The following NR6A1 variants were observed in gnomAD, a reference collection of about 807,000 sequenced individuals.
NR6A1 encodes the protein retinoic acid receptor-related testis-associated receptor.
In NR6A1, 7 loss-of-function variants were observed where a neutral mutation model predicts 59.1. The observed-to-expected ratio is 0.12, with a 90% CI of 0.07 to 0.22. The LOEUF is 0.22. Among genes scored for constraint, NR6A1 ranks in the 10% least tolerant of loss-of-function variants. The pLI is 1.00. For missense variants in NR6A1, 468 were observed against 611.6 expected (o/e 0.77, Z 2.48); for synonymous variants, 243 against 236.1 (o/e 1.03, Z -0.27).
intron 3 of NR6A1, among the ~76,000 whole-genome samples, chr9:124,549,727 A>T (rs2131375345): frequency 6.6e-6 from 1 of 152,330 alleles, no homozygotes; most frequent in East Asian, 1.9e-4. Context: ...ACTTTATACA[A>T]GAGTTGCAAA....
intron 1 of NR6A1, 142 bp from the exon 2 acceptor site, chr9:124,733,491 A>G: frequency 1.5e-6 from 1 of 663,926 alleles, no homozygotes; most frequent in Non-Finnish European, 2.7e-6. Flanking sequence ...ACATTTAGCT[A>G]CTACATATCC....
chr9:124,551,803 G>A (rs976172230), intron 3 of NR6A1, among the ~76,000 whole-genome samples: 1 of 152,020 alleles, frequency 6.6e-6, no homozygotes, highest in African/African-American at 2.4e-5. Context: ...TATGGGTTTT[G>A]ACAAATGCAC....
intron 2 of NR6A1, among the ~76,000 whole-genome samples, chr9:124,719,925 T>C (rs1839519091): frequency 6.6e-6 from 1 of 151,780 alleles, no homozygotes; most frequent in Non-Finnish European, 1.5e-5. Flanking sequence ...CCCCAATCCA[T>C]ATAAAGAAGG....
intron 2 of NR6A1, among the ~76,000 whole-genome samples, chr9:124,681,840 T>C (rs1838171492): frequency 6.6e-6 from 1 of 152,170 alleles, no homozygotes; most frequent in Non-Finnish European, 1.5e-5. Flanking sequence ...AAATGACCAA[T>C]GTATGATGTC....
At chr9:124,563,092 A>C in intron 2 of NR6A1, among the ~76,000 whole-genome samples, 1 of 152,264 alleles carries the variant, frequency 6.6e-6, no homozygotes, top group Non-Finnish European at 1.5e-5. Context: ...AATCTGGCAC[A>C]ATGAATGCTA....
At chr9:124,624,351 AGACAG>A (rs1305627413) in intron 2 of NR6A1, among the ~76,000 whole-genome samples, 2 of 152,232 alleles carry the variant, frequency 1.3e-5, no homozygotes, top group Non-Finnish European at 2.9e-5. Context: ...TCCTGTCCTC[AGACAG>A]ATGAGAATGT....
At chr9:124,600,231 T>C (rs1047985352) in intron 2 of NR6A1, among the ~76,000 whole-genome samples, 3 of 152,262 alleles carry the variant, frequency 2.0e-5, no homozygotes, top group Non-Finnish European at 2.9e-5. Context: ...GGTTCTCATC[T>C]GTCAGATCCT....
Position 124,628,865 on chromosome 9 carries a change from T to G in NR6A1, c.143-74295A>C, listed in dbSNP as rs528140460. ...AGTAGAGACGGGGTTTCACCATGTT[T>G]CCCAGGCTGGTCTCGAACTCCCGAG... On this transcript the variant is annotated intron_variant, in intron 2 of 9. Coordinates refer to ENST00000487099, the MANE Select transcript of NR6A1 (RefSeq NM_033334.4). Among the ~76,000 whole-genome samples the G allele has an allele frequency of 1.7e-3, 265 of 151,780 alleles. 2 individuals carry two copies. The South Asian group carries it at 0.018, about 11-fold the overall frequency.
chr9:124,757,944 C>G (rs759799715), intron 1 of NR6A1, among the ~76,000 whole-genome samples: 1 of 152,132 alleles, frequency 6.6e-6, no homozygotes, highest in African/African-American at 2.4e-5. Flanking sequence ...GCACACTGTA[C>G]GAAAAGCAAA....
chr9:124,528,619 T>C (rs994400647), intron 7 of NR6A1, among the ~76,000 whole-genome samples: 14 of 151,978 alleles, frequency 9.2e-5, no homozygotes, highest in African/African-American at 2.9e-4. Context: ...GAGGATCACC[T>C]GAGCGTGGGA....
chr9:124,555,963 G>GC (rs1833911758), intron 2 of NR6A1, among the ~76,000 whole-genome samples: 1 of 152,206 alleles, frequency 6.6e-6, no homozygotes, highest in African/African-American at 2.4e-5. Context: ...GAGGGTCATG[G>GC]TAGTATATAC....
chr9:124,565,820 A>G (rs1003863393), intron 2 of NR6A1, among the ~76,000 whole-genome samples: 2 of 152,256 alleles, frequency 1.3e-5, no homozygotes, highest in African/African-American at 4.8e-5. Context: ...AAAAGACTTC[A>G]AGTTATGATG....
At chr9:124,614,145 G>A (rs1564202069) in intron 2 of NR6A1, among the ~76,000 whole-genome samples, 2 of 152,194 alleles carry the variant, frequency 1.3e-5, no homozygotes, top group Non-Finnish European at 2.9e-5. Flanking sequence ...GAGTCCAGGA[G>A]GCAGGGCAGC....
At chr9:124,554,227 G>C (rs970371652) in intron 3 of NR6A1, 101 bp downstream of exon 3, 2 of 1,555,304 alleles carry the variant, frequency 1.3e-6, no homozygotes, top group East Asian at 4.5e-5. Context: ...TATAAGGCCT[G>C]ATATGTAGTG....
chr9:124,671,212 A>C (rs1054031885), intron 2 of NR6A1, among the ~76,000 whole-genome samples: 4 of 152,204 alleles, frequency 2.6e-5, no homozygotes, highest in Non-Finnish European at 5.9e-5. Flanking sequence ...ATACTACTGA[A>C]CTGTATATTT....
chr9:124,659,780 T>C (rs1837372851), intron 2 of NR6A1, among the ~76,000 whole-genome samples: 2 of 152,208 alleles, frequency 1.3e-5, no homozygotes, highest in African/African-American at 4.8e-5. Flanking sequence ...AAAGATAAAA[T>C]AATTTTCCAC....
intron 2 of NR6A1, among the ~76,000 whole-genome samples, chr9:124,573,823 T>C (rs572681560): frequency 2.0e-5 from 3 of 152,352 alleles, no homozygotes; most frequent in Admixed American, 6.5e-5. Flanking sequence ...AGCCGTAACA[T>C]ATATACATAT....
intron 3 of NR6A1, among the ~76,000 whole-genome samples, chr9:124,553,087 G>A (rs767280705): frequency 1.3e-5 from 2 of 152,192 alleles, no homozygotes; most frequent in East Asian, 3.8e-4. Flanking sequence ...TGAAGGGTAA[G>A]TAACATACCA....
chr9:124,742,647 T>C (rs1040012849), intron 1 of NR6A1, among the ~76,000 whole-genome samples: 1 of 151,882 alleles, frequency 6.6e-6, no homozygotes, highest in Non-Finnish European at 1.5e-5. Context: ...GAGGCTGAGG[T>C]GGGCGGATCA....
Sources: gnomAD v4.1 joint callset for allele counts (sites outside exome capture counted in the v4.1 genomes callset) on GRCh38, gnomAD v4.1.1 for gene constraint, MANE v1.5 for transcripts, NCBI Gene and HGNC (gene_info 2026-07-23, HGNC 2026-07-21) for gene names.